Variants in TFEC observed in about 807,000 individuals in gnomAD.
TFEC encodes class E basic helix-loop-helix protein 34.
A neutral mutation model predicts 41.6 loss-of-function variants in TFEC; 31 were observed. The observed-to-expected ratio is 0.74, with a 90% CI of 0.56 to 1.01. The LOEUF (loss-of-function observed/expected upper bound fraction) is 1.01. Among genes scored for constraint, TFEC ranks in the 50% least tolerant of loss-of-function variants. The pLI, the probability that TFEC is intolerant of heterozygous loss-of-function variation, is 0.00. For missense variants in TFEC, 402 were observed against 404.1 expected (o/e 0.99, Z 0.04); for synonymous variants, 143 against 140.6 (o/e 1.02, Z -0.12).
intron 3 of TFEC, among the ~76,000 whole-genome samples, chr7:116,081,414 ACTT>A (rs1292983975): frequency 6.6e-6 from 1 of 152,060 alleles, no homozygotes; most frequent in Non-Finnish European, 1.5e-5. Flanking sequence ...AACTATATGA[ACTT>A]CTTCAGCTGT....
At chr7:116,053,283 T>C (rs1796356796) in intron 3 of TFEC, among the ~76,000 whole-genome samples, 1 of 152,206 alleles carries the variant, frequency 6.6e-6, no homozygotes, top group Non-Finnish European at 1.5e-5. Context: ...TCACAGTTAC[T>C]AATCAAATGT....
intron 3 of TFEC, among the ~76,000 whole-genome samples, chr7:116,109,896 T>G (rs535641772): frequency 5.0e-4 from 76 of 152,200 alleles, no homozygotes; most frequent in African/African-American, 1.8e-3. Context: ...TATGCAGCCA[T>G]AAAAAAGGAT....
intron 3 of TFEC, among the ~76,000 whole-genome samples, chr7:116,074,332 T>C (rs1796904910): frequency 6.6e-6 from 1 of 151,696 alleles, no homozygotes; most frequent in African/African-American, 2.4e-5. Flanking sequence ...ACCCACATAA[T>C]GGGAGGAATT....
chr7:116,157,592 A>C (rs1584584430), intron 1 of TFEC, among the ~76,000 whole-genome samples: 2 of 146,696 alleles, frequency 1.4e-5, no homozygotes, highest in African/African-American at 5.1e-5. Context: ...ATTCTAAGGG[A>C]AATCAAAAAA....
At chr7:116,098,184 G>A (rs1224941991) in intron 3 of TFEC, among the ~76,000 whole-genome samples, 2 of 151,820 alleles carry the variant, frequency 1.3e-5, no homozygotes, top group Admixed American at 6.6e-5. Context: ...TTTTGAGACG[G>A]AGTCTCACTC....
At chr7:116,002,096 C>T (rs1367657010) in intron 1 of TFEC, among the ~76,000 whole-genome samples, 1 of 152,136 alleles carries the variant, frequency 6.6e-6, no homozygotes, top group Non-Finnish European at 1.5e-5. Flanking sequence ...GTTAGTACAA[C>T]CACTATGGAG....
rs1168586727 is a variant in TFEC at position 115,937,742 on chromosome 7, G to A, written c.*2809C>T. 6.6e-6 allele frequency: 1 copy of A among 151,676 alleles called. No individual in the cohort carries two copies. Among genetic ancestry groups the A allele is most frequent in the Non-Finnish European group, 1.5e-5 (1 of 67,772 alleles). The allele number at this position is 151,676 out of a possible 1,614,324, so 9.4% of individuals were successfully genotyped here. A position where few individuals can be genotyped will look rare whatever the true frequency, so the allele number is the denominator to read the frequency against. ...TTAGATAAGTAAGGGTCCCCCCATT[G>A]TTATACATGACATTAACCGCACACC... On this transcript the variant is annotated 3_prime_UTR_variant, in exon 8 of 8. Coordinates refer to ENST00000265440, the MANE Select transcript of TFEC (RefSeq NM_012252.4).
At position 115,941,950 on chromosome 7, in the gene TFEC, C is replaced by T. The variant is rs2130193753; in HGVS notation, c.606G>A (p.Leu202=). The change falls in exon 7 of 8, where the codon TTG becomes TTA. Residue 202 remains leucine, a synonymous_variant. Coordinates refer to ENST00000265440, the MANE Select transcript of TFEC (RefSeq NM_012252.4). The stretch of plus-strand genomic sequence containing the variant: ...GCTCTAATTTCTTCTGTCTGTGTTC[C>T]AATTCTCGGGCTCTCTGTTGTTCTT... ...LQKEQQRARE[L]EHRQKKLEQA... The T allele has an allele frequency of 6.2e-7, 1 of 1,613,066 alleles. No individual in the cohort carries two copies. Among genetic ancestry groups the T allele is most frequent in the Non-Finnish European group, 8.5e-7 (1 of 1,179,420 alleles).
chr7:115,995,900 G>A (rs1391894455), intron 1 of TFEC, among the ~76,000 whole-genome samples: 2 of 152,190 alleles, frequency 1.3e-5, no homozygotes, highest in Non-Finnish European at 2.9e-5. Context: ...AGCCCTACCC[G>A]GAGGGGAATT....
chr7:116,156,259 T>C (rs562683017), intron 1 of TFEC, among the ~76,000 whole-genome samples: 6 of 152,282 alleles, frequency 3.9e-5, no homozygotes, highest in South Asian at 4.1e-4. Flanking sequence ...AGACAGCTCA[T>C]GGAGCATTCT....
intron 5 of TFEC, among the ~76,000 whole-genome samples, chr7:115,952,312 A>C (rs1030084035): frequency 2.6e-5 from 4 of 152,024 alleles, no homozygotes; most frequent in Admixed American, 2.0e-4. Context: ...CTAGAAAATA[A>C]AGGTAAAGCT....
upstream of TFEC, among the ~76,000 whole-genome samples, chr7:116,034,480 C>A (rs1218174548): frequency 1.3e-4 from 20 of 151,940 alleles, no homozygotes; most frequent in Admixed American, 1.3e-3. Context: ...TCACTCCTCT[C>A]TTTCTCTATA....
intron 1 of TFEC, among the ~76,000 whole-genome samples, chr7:115,988,312 T>C (rs1255433995): frequency 1.3e-5 from 2 of 151,848 alleles, no homozygotes; most frequent in Non-Finnish European, 2.9e-5. Flanking sequence ...AATATGCTAA[T>C]AGATAAAGTA....
At chr7:115,959,714 A>T (rs1467927548) in intron 3 of TFEC, among the ~76,000 whole-genome samples, 1 of 151,714 alleles carries the variant, frequency 6.6e-6, no homozygotes, top group African/African-American at 2.4e-5. Flanking sequence ...ATCCTATAGA[A>T]TGGAAAAATA....
chr7:116,018,869 T>TGCC (rs1795290128), intron 1 of TFEC, among the ~76,000 whole-genome samples: 1 of 152,170 alleles, frequency 6.6e-6, no homozygotes, highest in Non-Finnish European at 1.5e-5. Flanking sequence ...AGCAAGAATC[T>TGCC]GCAAGTTGTT....
intron 1 of TFEC, among the ~76,000 whole-genome samples, chr7:116,144,354 A>C (rs1255370516): frequency 6.6e-6 from 1 of 152,196 alleles, no homozygotes; most frequent in East Asian, 1.9e-4. Context: ...GGCAAACTGA[A>C]TCATGTTAAC....
intron 3 of TFEC, among the ~76,000 whole-genome samples, chr7:115,971,348 G>A (rs1584613458): frequency 6.6e-6 from 1 of 151,466 alleles, no homozygotes; most frequent in Non-Finnish European, 1.5e-5. Flanking sequence ...AGAAAATCCT[G>A]ATATAATTGG....
chr7:116,144,580 G>C (rs1798605439), intron 1 of TFEC, among the ~76,000 whole-genome samples: 1 of 151,996 alleles, frequency 6.6e-6, no homozygotes, highest in Non-Finnish European at 1.5e-5. Flanking sequence ...AAACTCCTGG[G>C]TTCAAACGCT....
intron 1 of TFEC, among the ~76,000 whole-genome samples, chr7:115,989,157 T>A (rs753338728): frequency 6.6e-6 from 1 of 152,204 alleles, no homozygotes; most frequent in African/African-American, 2.4e-5. Flanking sequence ...AAGTCAGACC[T>A]ACATAGAGAG....
Sources: allele counts gnomAD v4.1 joint callset (sites outside exome capture counted in the v4.1 genomes callset), GRCh38; gene constraint gnomAD v4.1.1; transcripts MANE v1.5; gene names NCBI Gene and HGNC (gene_info 2026-07-23, HGNC 2026-07-21).